The following CYBRD1 variants were observed in gnomAD, a reference collection of about 807,000 sequenced individuals.
CYBRD1 encodes cytochrome b reductase 1.
Under a neutral mutation model 21.9 loss-of-function variants are expected in CYBRD1, and 14 were observed. The ratio of observed to expected loss-of-function variants is 0.64; its 90% confidence interval spans 0.42 to 1.00. The LOEUF (loss-of-function observed/expected upper bound fraction) is 1.00. Ranked by LOEUF, CYBRD1 falls within the 50% of genes least tolerant of loss-of-function variation. The pLI is 0.00. For synonymous variants in CYBRD1, 146 were observed against 136.5 expected (o/e 1.07, Z -0.48); for missense variants, 328 against 352.5 (o/e 0.93, Z 0.56).
intron 1 of CYBRD1, among the ~76,000 whole-genome samples, chr2:171,523,742 T>C (rs1297542664): frequency 1.3e-5 from 2 of 152,116 alleles, no homozygotes; most frequent in Admixed American, 1.3e-4. Context: ...CTCAATGTCC[T>C]GACTGCTTCC....
chr2:171,540,309 GGTT>G (rs1697610375), intron 1 of CYBRD1, among the ~76,000 whole-genome samples: 1 of 152,114 alleles, frequency 6.6e-6, no homozygotes, highest in Non-Finnish European at 1.5e-5. Flanking sequence ...TGACATTATA[GGTT>G]GATCCATATT....
At position 171,541,720 on chromosome 2, in the gene CYBRD1, T is replaced by C; in HGVS notation, c.329T>C (p.Val110Ala). The C allele has an allele frequency of 6.2e-7, 1 of 1,613,984 alleles. No individual in the cohort carries two copies. Among genetic ancestry groups the C allele is most frequent in the East Asian group, 2.2e-5 (1 of 44,878 alleles). The change falls in exon 2 of 4, where the codon GTT (valine) becomes GCT (alanine). Residue 110 changes from valine (V) to alanine (A), a missense_variant. Val to Ala is a moderately conservative substitution (Grantham distance 64, BLOSUM62 0). Transcript: ENST00000321348. ...SVVAVFENHN[V>A]NNIANMYSLH... is the part of the protein sequence containing the mutation. The stretch of plus-strand genomic sequence containing the variant: ...GTGGCCGTGTTTGAGAACCACAATG[T>C]TAACAATATAGCCAATATGTACAGT...
In CYBRD1 at chr2:171,558,020, C is replaced by T. The variant is rs950925572; in HGVS notation, c.*3193C>T. 1 of 151,654 alleles carries T rather than the reference C, an allele frequency of 6.6e-6. No homozygotes were observed. The highest frequency in any genetic ancestry group is 1.5e-5 in the Non-Finnish European group (1 of 67,944). 9.4% of individuals were successfully genotyped at this position (151,654 alleles called of 1,614,324 possible). On this transcript the variant is annotated 3_prime_UTR_variant, in exon 4 of 4. Coordinates refer to ENST00000321348, the MANE Select transcript of CYBRD1 (RefSeq NM_024843.4). ...AGATTTCTATCTTTTTATCTTAGCG[C>T]ATTTATGGAAAAAATATTAACTATC...
intron 1 of CYBRD1, among the ~76,000 whole-genome samples, chr2:171,527,362 C>G (rs1289166279): frequency 6.6e-6 from 1 of 152,202 alleles, no homozygotes; most frequent in African/African-American, 2.4e-5. Context: ...TAGAATAACA[C>G]TGAGAACTGG....
intron 1 of CYBRD1, among the ~76,000 whole-genome samples, chr2:171,531,656 G>T (rs1015037422): frequency 1.3e-5 from 2 of 152,072 alleles, no homozygotes; most frequent in Non-Finnish European, 1.5e-5. Context: ...AGAAATGTAG[G>T]TTATATTGAT....
intron 1 of CYBRD1, among the ~76,000 whole-genome samples, chr2:171,529,445 C>T (rs574438140): frequency 6.8e-6 from 1 of 146,438 alleles, no homozygotes; most frequent in Non-Finnish European, 1.5e-5. Flanking sequence ...GCAGGAGAAT[C>T]GCTTGAACCC....
chr2:171,523,166 G>C, intron 1 of CYBRD1: 1 of 350,748 alleles, frequency 2.9e-6, no homozygotes, highest in Non-Finnish European at 5.8e-6. Flanking sequence ...CCTGTGGACC[G>C]AGCCTGCGCG....
In CYBRD1 at chr2:171,522,833, C is replaced by G. The variant is rs1028977732; in HGVS notation, c.193+95C>G. The G allele has an allele frequency of 6.4e-7, 1 of 1,566,918 alleles. No homozygotes were observed. The highest frequency in any genetic ancestry group is 1.3e-5 in the African/African-American group (1 of 74,374). Reference sequence around the variant, plus strand: ...GAAGCCCCTTCCAGCTGAGGAAGTGCTGGAGGATCGCGGGGCCCGGAGGAG... The same window carrying G: ...GAAGCCCCTTCCAGCTGAGGAAGTGGTGGAGGATCGCGGGGCCCGGAGGAG... On this transcript the variant is annotated intron_variant, in intron 1 of 3. Coordinates refer to ENST00000321348, the MANE Select transcript of CYBRD1 (RefSeq NM_024843.4). This position sits in a 1 kb window ranked among gnomAD's most constrained non-coding sequence, Gnocchi z 4.3.
chr2:171,533,469 C>G (rs1021130205), intron 1 of CYBRD1, among the ~76,000 whole-genome samples: 26 of 152,206 alleles, frequency 1.7e-4, no homozygotes, highest in African/African-American at 6.0e-4. Flanking sequence ...ATGTTCCCGC[C>G]TTCATGAATC....
chr2:171,522,659 T>C lies in CYBRD1; in HGVS notation c.114T>C (p.Leu38=). ...GGGTCCTCCACTACCGAGAGGGGCT[T>C]GGCTGGGATGGGAGCGCACTAGAGT... ...LVWVLHYREG[L]GWDGSALEFN... The change falls in exon 1 of 4, where the codon CTT becomes CTC. Residue 38 remains leucine, a synonymous_variant. Transcript: ENST00000321348. The surrounding 1 kb of genome is among the most constrained non-coding windows in gnomAD (Gnocchi z 4.3). 2 of 1,613,240 alleles carry C rather than the reference T, an allele frequency of 1.2e-6. No individual in the cohort carries two copies. Among genetic ancestry groups the C allele is most frequent in the Non-Finnish European group, 1.7e-6 (2 of 1,179,874 alleles).
chr2:171,553,511 T>TA lies in CYBRD1; in HGVS notation c.557+12dup. Reference sequence around the variant, plus strand: ...ACTGATTTTTTCCCTGTAAGTTGCATAGTCTTCTTAATTGTAATACTTAAG... The same window carrying TA: ...ACTGATTTTTTCCCTGTAAGTTGCATAAGTCTTCTTAATTGTAATACTTAAG... On this transcript the variant is annotated intron_variant, in intron 3 of 3. Transcript: ENST00000321348. 6.2e-7 allele frequency: 1 copy of TA among 1,609,566 alleles called. No homozygotes were observed. Among genetic ancestry groups the TA allele is most frequent in the Non-Finnish European group, 8.5e-7 (1 of 1,177,424 alleles).
At chr2:171,532,913 A>G (rs1321187932) in intron 1 of CYBRD1, among the ~76,000 whole-genome samples, 2 of 128,658 alleles carry the variant, frequency 1.6e-5, no homozygotes, top group African/African-American at 3.0e-5. Flanking sequence ...GTGTGTGTGT[A>G]TGGAAACATG....
At chr2:171,546,328 A>G (rs1488301803) in intron 2 of CYBRD1, among the ~76,000 whole-genome samples, 1 of 152,220 alleles carries the variant, frequency 6.6e-6, no homozygotes, top group Non-Finnish European at 1.5e-5. Flanking sequence ...TCAAAGCCAA[A>G]TAATGCATCT....
intron 1 of CYBRD1, among the ~76,000 whole-genome samples, chr2:171,523,735 A>C (rs955726424): frequency 3.3e-5 from 5 of 151,598 alleles, no homozygotes; most frequent in Non-Finnish European, 7.4e-5. Flanking sequence ...AGTGCCTCTC[A>C]ATGTCCTGAC....
In CYBRD1 at chr2:171,554,504, A is replaced by G. The variant is rs748062820; in HGVS notation, c.558-20A>G. 9.9e-6 allele frequency: 16 copies of G among 1,612,522 alleles called. No homozygotes were observed. The East Asian group carries it at 2.2e-4, about 22-fold the overall frequency. ...GCTGTATCATCCTGTTTGTAATTGG[A>G]TACATCTCTTATTTCATAGGAGAGA... is the stretch of plus-strand genomic sequence containing the variant. On this transcript the variant is annotated intron_variant, in intron 3 of 3. Coordinates refer to ENST00000321348, the MANE Select transcript of CYBRD1 (RefSeq NM_024843.4).
chr2:171,550,652 A>G (rs1028019490), intron 2 of CYBRD1, among the ~76,000 whole-genome samples: 12 of 152,116 alleles, frequency 7.9e-5, no homozygotes, highest in Non-Finnish European at 1.6e-4. Flanking sequence ...TTTAAATGTA[A>G]TTTTCTTTTG....
chr2:171,530,889 A>T (rs908492317), intron 1 of CYBRD1, among the ~76,000 whole-genome samples: 18 of 152,112 alleles, frequency 1.2e-4, no homozygotes, highest in Admixed American at 9.2e-4. Flanking sequence ...TTTAAGAAAG[A>T]TAGAGGGCCA....
intron 1 of CYBRD1, among the ~76,000 whole-genome samples, chr2:171,535,419 A>G (rs1290463013): frequency 1.3e-5 from 2 of 152,198 alleles, no homozygotes; most frequent in African/African-American, 2.4e-5. Context: ...GTAAATGTAA[A>G]AGGTTTTTAA....
intron 1 of CYBRD1, among the ~76,000 whole-genome samples, chr2:171,525,587 G>A (rs980529330): frequency 6.6e-6 from 1 of 152,124 alleles, no homozygotes; most frequent in African/African-American, 2.4e-5. Flanking sequence ...ATTGCTGCAA[G>A]GAGGAAAATT....
Sources: gnomAD v4.1 joint callset for allele counts (sites outside exome capture counted in the v4.1 genomes callset) on GRCh38, gnomAD v4.1.1 for gene constraint, Gnocchi (gnomAD v3.1) non-coding constraint, MANE v1.5 for transcripts, NCBI Gene and HGNC (gene_info 2026-07-23, HGNC 2026-07-21) for gene names.